LSAMP: variants seen among roughly 807,000 people sequenced by gnomAD.
The protein encoded by LSAMP is limbic system-associated membrane protein.
A neutral mutation model predicts 38.6 loss-of-function variants in LSAMP; 7 were observed. The observed-to-expected ratio is 0.18, with a 90% CI of 0.10 to 0.34. The LOEUF is 0.34. LSAMP is among the 10% of genes least tolerant of loss of function. LSAMP has a pLI of 1.00. For synonymous variants in LSAMP, 154 were observed against 166.8 expected, an observed-to-expected ratio of 0.92 and a Z score of 0.59; for missense variants, 313 against 420.0, an observed-to-expected ratio of 0.75 and a Z score of 2.23.
At position 116,285,198 on chromosome 3, in the gene LSAMP, T is replaced by C. The variant is rs79536459; in HGVS notation, c.155+159679A>G. Among the ~76,000 whole-genome samples the C allele has an allele frequency of 4.2e-3, 643 of 152,250 alleles. 3 individuals carry two copies. The highest frequency in any genetic ancestry group is 7.0e-3 in the South Asian group (34 of 4,832). ...CTTCCCCATCCCCATTTGCACCAGG[T>C]GATCTTTTAAAATGTAAATAATCCC... On this transcript the variant is annotated intron_variant, in intron 1 of 6. Transcript: ENST00000490035.
chr3:116,045,456 A>G (rs1395604585), intron 2 of LSAMP, among the ~76,000 whole-genome samples: 2 of 151,154 alleles, frequency 1.3e-5, no homozygotes, highest in Non-Finnish European at 3.0e-5. Flanking sequence ...TATTTTGGAG[A>G]GTCAGCAAAC....
At position 115,910,399 on chromosome 3, in the gene LSAMP, G is replaced by C. The variant is rs567357062; in HGVS notation, c.515-57782C>G. ...CTTTCTTCCCATAATGTATCAGTGT[G>C]TGTTTTAATATAAGTAATGCCTTCT... On this transcript the variant is annotated intron_variant, in intron 3 of 6. Coordinates refer to ENST00000490035, the MANE Select transcript of LSAMP (RefSeq NM_002338.5). Among the ~76,000 whole-genome samples, 5 of 152,230 alleles carry C rather than the reference G, an allele frequency of 3.3e-5. No homozygotes were observed. In the East Asian group the frequency reaches 7.7e-4, roughly 24 times the overall value.
intron 2 of LSAMP, among the ~76,000 whole-genome samples, chr3:116,068,149 A>G (rs1707506290): frequency 6.6e-6 from 1 of 152,240 alleles, no homozygotes; most frequent in Non-Finnish European, 1.5e-5. Flanking sequence ...AGAAGTAAAT[A>G]TGTCATCGAT....
intron 1 of LSAMP, among the ~76,000 whole-genome samples, chr3:116,344,715 A>G (rs1312401213): frequency 6.6e-6 from 1 of 152,128 alleles, no homozygotes; most frequent in Non-Finnish European, 1.5e-5. Flanking sequence ...ATATTTAATC[A>G]ATACAACAAC....
intron 1 of LSAMP, among the ~76,000 whole-genome samples, chr3:116,143,798 C>T (rs756860604): frequency 6.6e-5 from 10 of 151,780 alleles, no homozygotes; most frequent in Non-Finnish European, 1.2e-4. Context: ...GTTGCCTTGT[C>T]GTTTATTTCC....
At chr3:115,956,580 C>T (rs1938462023) in intron 3 of LSAMP, among the ~76,000 whole-genome samples, 1 of 152,012 alleles carries the variant, frequency 6.6e-6, no homozygotes, top group Admixed American at 6.6e-5. Flanking sequence ...AAGATGTCCT[C>T]CCTGAGAGCT....
At chr3:116,288,343 T>C (rs1343365622) in intron 1 of LSAMP, among the ~76,000 whole-genome samples, 1 of 152,186 alleles carries the variant, frequency 6.6e-6, no homozygotes, top group Non-Finnish European at 1.5e-5. Flanking sequence ...GAAGGTATCG[T>C]TAATTGTGGG....
intron 1 of LSAMP, among the ~76,000 whole-genome samples, chr3:116,402,546 A>G (rs1156890455): frequency 6.6e-6 from 1 of 152,158 alleles, no homozygotes; most frequent in East Asian, 1.9e-4. Flanking sequence ...AGACATAATT[A>G]TAACCCTAAA....
At chr3:116,162,957 T>A (rs1709934396) in intron 1 of LSAMP, among the ~76,000 whole-genome samples, 1 of 151,990 alleles carries the variant, frequency 6.6e-6, no homozygotes, top group Non-Finnish European at 1.5e-5. Flanking sequence ...GCCTACATGT[T>A]CCCCCATCCC....
At chr3:116,082,231 T>A (rs183244546) in intron 2 of LSAMP, among the ~76,000 whole-genome samples, 1 of 152,236 alleles carries the variant, frequency 6.6e-6, no homozygotes, top group Non-Finnish European at 1.5e-5. Context: ...ATATTTTATA[T>A]GATTTACTAT....
At chr3:116,085,992 T>C (rs1246469494) in intron 2 of LSAMP, among the ~76,000 whole-genome samples, 1 of 152,236 alleles carries the variant, frequency 6.6e-6, no homozygotes, top group Non-Finnish European at 1.5e-5. Context: ...TGGAAAAGTG[T>C]ACTTCATATG....
intron 1 of LSAMP, among the ~76,000 whole-genome samples, chr3:116,105,430 G>A (rs952835179): frequency 4.6e-5 from 7 of 152,142 alleles, no homozygotes; most frequent in Non-Finnish European, 7.3e-5. Flanking sequence ...TTTCACCTGG[G>A]TGCAGGTGGG....
At chr3:115,920,832 C>CT (rs1937365327) in intron 3 of LSAMP, among the ~76,000 whole-genome samples, 1 of 151,758 alleles carries the variant, frequency 6.6e-6, no homozygotes, top group African/African-American at 2.4e-5. Context: ...CTATTTCTCC[C>CT]TTTTGTTCTA....
intron 3 of LSAMP, among the ~76,000 whole-genome samples, chr3:115,864,506 G>C (rs1327109011): frequency 6.6e-6 from 1 of 152,098 alleles, no homozygotes; most frequent in Non-Finnish European, 1.5e-5. Context: ...CGTATTCTGA[G>C]AACAAGCCCA....
chr3:115,850,076 T>TTTTAGAATCTCAAA (rs1360022855), intron 4 of LSAMP, among the ~76,000 whole-genome samples: 1 of 152,216 alleles, frequency 6.6e-6, no homozygotes, highest in Admixed American at 6.5e-5. Flanking sequence ...TGAGGTATCT[T>TTTTAGAATCTCAAA]TTTAGAATCT....
chr3:115,957,289 T>C (rs1445614656), intron 3 of LSAMP, among the ~76,000 whole-genome samples: 2 of 152,214 alleles, frequency 1.3e-5, no homozygotes, highest in East Asian at 3.8e-4. Context: ...CTCCAAGGGC[T>C]AAAGCCACTA....
chr3:116,330,119 G>A (rs75464100), intron 1 of LSAMP, among the ~76,000 whole-genome samples: 1 of 152,276 alleles, frequency 6.6e-6, no homozygotes, highest in African/African-American at 2.4e-5. Context: ...ACAGTAGGAA[G>A]CAACAGGAAT....
intron 1 of LSAMP, among the ~76,000 whole-genome samples, chr3:116,338,273 A>G (rs752492925): frequency 6.6e-6 from 1 of 151,972 alleles, no homozygotes; most frequent in Non-Finnish European, 1.5e-5. Flanking sequence ...GTGGATAAAT[A>G]CTGTAGGGTT....
chr3:116,327,445 C>G (rs1010505414), intron 1 of LSAMP, among the ~76,000 whole-genome samples: 1 of 152,120 alleles, frequency 6.6e-6, no homozygotes, highest in African/African-American at 2.4e-5. Flanking sequence ...TTACCTTCTT[C>G]AGGATTTTAT....
Sources: gnomAD v4.1 joint callset for allele counts (sites outside exome capture counted in the v4.1 genomes callset) on GRCh38, gnomAD v4.1.1 for gene constraint, MANE v1.5 for transcripts, NCBI Gene and HGNC (gene_info 2026-07-23, HGNC 2026-07-21) for gene names.